The following PDE4D variants were observed in gnomAD, a reference collection of about 807,000 sequenced individuals.
PDE4D encodes 3',5'-cyclic-AMP phosphodiesterase 4D.
PDE4D carries 24 observed loss-of-function variants against 87.4 expected under a neutral mutation model. The observed-to-expected ratio is 0.27, with a 90% confidence interval of 0.20 to 0.39. The LOEUF (loss-of-function observed/expected upper bound fraction) is 0.39, where lower values mean the gene tolerates loss of function less well. PDE4D is among the 10% of genes least tolerant of loss of function. The pLI is 1.00. For synonymous variants in PDE4D, 384 were observed against 383.2 expected (o/e 1.00, Z -0.02); for missense variants, 714 against 1,041.0 (o/e 0.69, Z 4.32).
At chr5:59,753,211 C>A (rs1221821338) in intron 1 of PDE4D, among the ~76,000 whole-genome samples, 1 of 152,044 alleles carries the variant, frequency 6.6e-6, no homozygotes, top group Non-Finnish European at 1.5e-5. Flanking sequence ...GCTAGTGGCA[C>A]AAAGACAAGT....
Position 59,567,552 on chromosome 5 carries a change from C to A in PDE4D, c.455+325616G>T, listed in dbSNP as rs370565116. On this transcript the variant is annotated intron_variant, in intron 1 of 14. Transcript: ENST00000340635. ...GCAAACAATATAAAGTTGACTATAT[C>A]AATTTTTATGTACAGAAAAACATTT... is the stretch of plus-strand genomic sequence containing the variant. Among the ~76,000 whole-genome samples, 12 of 152,246 alleles carry A rather than the reference C, an allele frequency of 7.9e-5. No individual in the cohort carries two copies. In the East Asian group the frequency reaches 1.5e-3, roughly 20 times the overall value.
chr5:59,425,880 T>C (rs1321554597), intron 1 of PDE4D, among the ~76,000 whole-genome samples: 2 of 152,180 alleles, frequency 1.3e-5, no homozygotes, highest in Non-Finnish European at 2.9e-5. Context: ...GCACAATTTG[T>C]TATGGGCTGA....
intron 1 of PDE4D, among the ~76,000 whole-genome samples, chr5:59,767,715 C>T (rs1762976339): frequency 6.6e-6 from 1 of 152,146 alleles, no homozygotes; most frequent in African/African-American, 2.4e-5. Context: ...TTTGGAAAGG[C>T]ATGTTTAAGA....
At chr5:59,238,428 A>G (rs532646760) in intron 1 of PDE4D, among the ~76,000 whole-genome samples, 1 of 152,358 alleles carries the variant, frequency 6.6e-6, no homozygotes, top group South Asian at 2.1e-4. Context: ...ACTCACATAT[A>G]GGAAAACAAA....
At chr5:59,465,180 C>T (rs975028831) in intron 1 of PDE4D, among the ~76,000 whole-genome samples, 2 of 152,180 alleles carry the variant, frequency 1.3e-5, no homozygotes, top group Non-Finnish European at 2.9e-5. Context: ...TCAGCCTCAC[C>T]AGCCCTCCCT....
intron 1 of PDE4D, among the ~76,000 whole-genome samples, chr5:59,621,135 A>G (rs191951481): frequency 1.3e-5 from 2 of 152,090 alleles, no homozygotes; most frequent in African/African-American, 4.8e-5. Context: ...TCCAGACTCA[A>G]CTCTGCAATT....
At chr5:59,281,448 T>G (rs1322959741) in intron 1 of PDE4D, among the ~76,000 whole-genome samples, 1 of 152,288 alleles carries the variant, frequency 6.6e-6, no homozygotes, top group East Asian at 1.9e-4. Flanking sequence ...TTAAAACAAT[T>G]TTCTATGTTT....
In PDE4D at chr5:59,253,471, C is replaced by T. The variant is rs1760373489; in HGVS notation, c.456-37503G>A. 6.6e-5 allele frequency among the ~76,000 whole-genome samples: 10 copies of T among 152,084 alleles called. No homozygotes were observed. The South Asian group carries it at 2.1e-3, about 32-fold the overall frequency. The stretch of plus-strand genomic sequence containing the variant: ...CTTTATTACTTCCATTACTCAAACT[C>T]CCTCCACCTGCAAACACAGTCACTA... On this transcript the variant is annotated intron_variant, in intron 1 of 14. Coordinates refer to ENST00000340635, the MANE Select transcript of PDE4D (RefSeq NM_001104631.2).
intron 2 of PDE4D, among the ~76,000 whole-genome samples, chr5:60,058,769 T>G (rs1400075185): frequency 6.6e-6 from 1 of 151,932 alleles, no homozygotes; most frequent in Non-Finnish European, 1.5e-5. Context: ...TATAACATTT[T>G]GAGAAAAAAT....
At chr5:60,189,085 C>T (rs146294665) in intron 1 of PDE4D, among the ~76,000 whole-genome samples, 29 of 152,290 alleles carry the variant, frequency 1.9e-4, no homozygotes, top group African/African-American at 7.0e-4. Flanking sequence ...AAAAAGAAAG[C>T]CAGGCGAGAG....
Position 59,023,176 on chromosome 5 carries a change from A to T in PDE4D, c.921+15683T>A, listed in dbSNP as rs540723888. On this transcript the variant is annotated intron_variant, in intron 6 of 14. Coordinates refer to ENST00000340635, the MANE Select transcript of PDE4D (RefSeq NM_001104631.2). ...GGCAACAGTGCAAGACTCTAACTCA[A>T]GGAAAAAAAAAAAAGAGAGAGAGAG... Among the ~76,000 whole-genome samples, 79 of 148,778 alleles carry T rather than the reference A, an allele frequency of 5.3e-4. 2 individuals carry two copies. The highest frequency in any genetic ancestry group is 1.5e-3 in the Admixed American group (23 of 15,046).
chr5:59,261,465 T>C (rs1299393229), intron 1 of PDE4D, among the ~76,000 whole-genome samples: 2 of 151,984 alleles, frequency 1.3e-5, no homozygotes, highest in East Asian at 3.9e-4. Context: ...ATTTCTCTTA[T>C]TAGTGAAATA....
intron 1 of PDE4D, among the ~76,000 whole-genome samples, chr5:59,577,719 T>G (rs537975612): frequency 2.6e-5 from 4 of 152,234 alleles, no homozygotes; most frequent in African/African-American, 9.6e-5. Context: ...CTGACAATAA[T>G]AGCGGAAGCT....
At chr5:60,297,110 T>C (rs1194647132) in intron 1 of PDE4D, among the ~76,000 whole-genome samples, 1 of 152,168 alleles carries the variant, frequency 6.6e-6, no homozygotes, top group African/African-American at 2.4e-5. Flanking sequence ...AAGGTTTGAG[T>C]ATTTATACAT....
At chr5:59,880,757 C>A (rs1317342772) in intron 1 of PDE4D, among the ~76,000 whole-genome samples, 3 of 152,180 alleles carry the variant, frequency 2.0e-5, no homozygotes, top group African/African-American at 4.8e-5. Flanking sequence ...TGGCAATGCA[C>A]TTGAGTCTGG....
At chr5:60,417,678 A>G (rs1742725680) in intron 1 of PDE4D, among the ~76,000 whole-genome samples, 2 of 152,200 alleles carry the variant, frequency 1.3e-5, no homozygotes, top group Admixed American at 1.3e-4. Flanking sequence ...GCTTTAGAAT[A>G]TAAAGAAGAA....
chr5:59,432,165 A>G (rs545063822), intron 1 of PDE4D, among the ~76,000 whole-genome samples: 1 of 152,236 alleles, frequency 6.6e-6, no homozygotes, highest in Non-Finnish European at 1.5e-5. Context: ...TTATTTATAC[A>G]AATATAAATA....
chr5:59,886,283 C>T (rs1581596027), intron 1 of PDE4D, among the ~76,000 whole-genome samples: 2 of 151,996 alleles, frequency 1.3e-5, no homozygotes, highest in Non-Finnish European at 2.9e-5. Context: ...TTTGGGAGAT[C>T]GAGGCAGATG....
intron 3 of PDE4D, among the ~76,000 whole-genome samples, chr5:59,933,526 A>C (rs1430124097): frequency 1.3e-5 from 2 of 152,132 alleles, no homozygotes; most frequent in Non-Finnish European, 1.5e-5. Context: ...ATGTGCCAAG[A>C]CTCTAACTAA....
Sources: gnomAD v4.1 joint callset for allele counts (sites outside exome capture counted in the v4.1 genomes callset) on GRCh38, gnomAD v4.1.1 for gene constraint, MANE v1.5 for transcripts, NCBI Gene and HGNC (gene_info 2026-07-23, HGNC 2026-07-21) for gene names.